KIAA1217: variants seen among roughly 807,000 people sequenced by gnomAD.
KIAA1217 encodes KIAA1217, also known as sickle tail protein homolog.
Under a neutral mutation model 163.9 loss-of-function variants are expected in KIAA1217, and 88 were observed. The ratio of observed to expected loss-of-function variants is 0.54; its 90% CI spans 0.45 to 0.64. The LOEUF is 0.64. KIAA1217 is among the 30% of genes least tolerant of loss of function. The pLI, the probability that KIAA1217 is intolerant of heterozygous loss-of-function variation, is 0.00. For synonymous variants in KIAA1217, 903 were observed against 923.1 expected (o/e 0.98, Z 0.39); for missense variants, 2,372 against 2,475.0 (o/e 0.96, Z 0.88).
intron 1 of KIAA1217, among the ~76,000 whole-genome samples, chr10:23,926,149 G>C (rs1042043552): frequency 6.6e-6 from 1 of 152,120 alleles, no homozygotes; most frequent in Non-Finnish European, 1.5e-5. Context: ...ATCTACACAG[G>C]CTCAGTATCT....
At chr10:23,997,532 T>G (rs1366211738) in intron 1 of KIAA1217, among the ~76,000 whole-genome samples, 2 of 152,158 alleles carry the variant, frequency 1.3e-5, no homozygotes, top group Non-Finnish European at 2.9e-5. Context: ...ACAAAAATAA[T>G]TTGTGGTAGG....
intron 2 of KIAA1217, among the ~76,000 whole-genome samples, chr10:24,323,833 T>TGTGTGTGTG (rs2044500123): frequency 6.2e-5 from 8 of 128,090 alleles, no homozygotes; most frequent in African/African-American, 2.1e-4. Context: ...GTGTGTGTGT[T>TGTGTGTGTG]TGACTAACTT....
At chr10:24,240,015 G>T (rs1335985905) in intron 2 of KIAA1217, among the ~76,000 whole-genome samples, 4 of 152,096 alleles carry the variant, frequency 2.6e-5, no homozygotes, top group Non-Finnish European at 5.9e-5. Flanking sequence ...GTGGGGTGTG[G>T]GTGATAAAGG....
chr10:24,150,342 C>T (rs1422035836), intron 2 of KIAA1217, among the ~76,000 whole-genome samples: 2 of 152,162 alleles, frequency 1.3e-5, no homozygotes, highest in Non-Finnish European at 2.9e-5. Flanking sequence ...ACCTTGTCAA[C>T]CAGTGTGACC....
chr10:24,099,587 T>TATATA (rs2062317994), intron 2 of KIAA1217, among the ~76,000 whole-genome samples: 2 of 137,844 alleles, frequency 1.5e-5, no homozygotes, highest in African/African-American at 5.8e-5. Flanking sequence ...ATATATATAT[T>TATATA]ATATATATAT....
chr10:24,307,192 G>A (rs1329637615), intron 2 of KIAA1217, among the ~76,000 whole-genome samples: 2 of 152,178 alleles, frequency 1.3e-5, no homozygotes, highest in African/African-American at 4.8e-5. Flanking sequence ...TTCTTGGCAA[G>A]TCTACTTTTG....
intron 1 of KIAA1217, among the ~76,000 whole-genome samples, chr10:23,960,734 A>G (rs901811388): frequency 6.6e-6 from 1 of 152,250 alleles, no homozygotes; most frequent in Non-Finnish European, 1.5e-5. Context: ...TCAATATTTT[A>G]CTTAACAAAA....
At chr10:24,084,570 C>T (rs2061635622) in intron 2 of KIAA1217, among the ~76,000 whole-genome samples, 2 of 152,052 alleles carry the variant, frequency 1.3e-5, no homozygotes, top group African/African-American at 4.8e-5. Context: ...GAGCAGAGAC[C>T]TAAAGAATAC....
intron 1 of KIAA1217, among the ~76,000 whole-genome samples, chr10:23,778,644 A>T (rs1835112369): frequency 6.6e-6 from 1 of 152,168 alleles, no homozygotes; most frequent in African/African-American, 2.4e-5. Flanking sequence ...ACAAAAATTA[A>T]AGAAGCTGTT....
intron 2 of KIAA1217, among the ~76,000 whole-genome samples, chr10:24,325,296 C>G (rs2044721401): frequency 6.6e-6 from 1 of 152,212 alleles, no homozygotes; most frequent in Admixed American, 6.5e-5. Flanking sequence ...GAGGGAAACT[C>G]AAGCAGGCTG....
intron 10 of KIAA1217, among the ~76,000 whole-genome samples, chr10:24,514,463 T>C (rs982703874): frequency 6.6e-6 from 1 of 151,116 alleles, no homozygotes; most frequent in Non-Finnish European, 1.5e-5. Context: ...CTCTCAGCAG[T>C]CTAGAGGGAA....
intron 1 of KIAA1217, 33 bp from the exon 2 acceptor site, chr10:24,219,593 A>G (rs756669863): frequency 6.5e-7 from 1 of 1,536,672 alleles, no homozygotes; most frequent in Non-Finnish European, 8.8e-7. Flanking sequence ...GTGTGAAATC[A>G]TTAATTGTGA....
intron 10 of KIAA1217, among the ~76,000 whole-genome samples, chr10:24,518,602 C>T (rs1218099606): frequency 3.9e-5 from 6 of 152,300 alleles, no homozygotes; most frequent in African/African-American, 7.2e-5. Flanking sequence ...TCCAGCAAAG[C>T]TTTGCAGGAC....
At chr10:24,331,178 A>G (rs1054434435) in intron 2 of KIAA1217, among the ~76,000 whole-genome samples, 1 of 152,152 alleles carries the variant, frequency 6.6e-6, no homozygotes, top group African/African-American at 2.4e-5. Context: ...CCTGGCCTCC[A>G]GCAGTGCTCC....
chr10:23,800,901 G>A (rs145351437), intron 1 of KIAA1217, among the ~76,000 whole-genome samples: 188 of 152,288 alleles, frequency 1.2e-3, no homozygotes, highest in Non-Finnish European at 2.2e-3. Context: ...TTCAACCATT[G>A]TGGAACATAG....
chr10:23,885,341 C>T (rs1038946286), intron 1 of KIAA1217, among the ~76,000 whole-genome samples: 2 of 151,886 alleles, frequency 1.3e-5, no homozygotes, highest in African/African-American at 4.8e-5. Context: ...GTATAGTCCT[C>T]ATGCTGTACA....
At chr10:24,071,773 A>G (rs974072731) in intron 2 of KIAA1217, among the ~76,000 whole-genome samples, 4 of 152,362 alleles carry the variant, frequency 2.6e-5, no homozygotes, top group South Asian at 2.1e-4. Flanking sequence ...AAGAGGCATT[A>G]TTGCCCATCA....
At chr10:24,390,091 C>A (rs1247950200) in intron 3 of KIAA1217, among the ~76,000 whole-genome samples, 1 of 152,136 alleles carries the variant, frequency 6.6e-6, no homozygotes, top group African/African-American at 2.4e-5. Context: ...ATTCTGCAAG[C>A]CATTTAATAA....
chr10:24,016,860 AC>A (rs1171559969), intron 2 of KIAA1217, among the ~76,000 whole-genome samples: 2 of 152,050 alleles, frequency 1.3e-5, no homozygotes, highest in Non-Finnish European at 2.9e-5. Flanking sequence ...TTTAAAAAAA[AC>A]GTGCAGTGAG....
Sources: allele counts gnomAD v4.1 joint callset (sites outside exome capture counted in the v4.1 genomes callset), GRCh38; gene constraint gnomAD v4.1.1; transcripts MANE v1.5; gene names NCBI Gene and HGNC (gene_info 2026-07-23, HGNC 2026-07-21).